Variants in ZNF136 observed in about 807,000 individuals in gnomAD.
The protein encoded by ZNF136 is zinc finger protein 136.
ZNF136 carries 8 observed loss-of-function variants against 11.4 expected under a neutral mutation model. The ratio of observed to expected loss-of-function variants is 0.70; its 90% confidence interval spans 0.41 to 1.27. ZNF136 has a LOEUF of 1.27. Among genes scored for constraint, ZNF136 ranks in the 50% most tolerant of loss-of-function variants. ZNF136 has a pLI of 0.01. For synonymous variants in ZNF136, 190 were observed against 207.1 expected (o/e 0.92, Z 0.71); for missense variants, 590 against 656.5 (o/e 0.90, Z 1.11).
At chr19:12,170,452 A>C (rs1479158200) in intron 1 of ZNF136, among the ~76,000 whole-genome samples, 2 of 151,826 alleles carry the variant, frequency 1.3e-5, no homozygotes, top group South Asian at 4.1e-4. Flanking sequence ...CAGTGGTGCA[A>C]TCACAGCTCA....
At chr19:12,173,500 C>T (rs367842532) in intron 1 of ZNF136, among the ~76,000 whole-genome samples, 1 of 152,130 alleles carries the variant, frequency 6.6e-6, no homozygotes. Flanking sequence ...ATCAAGAACT[C>T]ATCCTCATGC....
intron 1 of ZNF136, among the ~76,000 whole-genome samples, chr19:12,175,438 G>T (rs999275665): frequency 1.3e-4 from 20 of 151,886 alleles, no homozygotes; most frequent in Middle Eastern, 3.4e-3. Context: ...CAGGTGATCT[G>T]CCTGCCTCAG....
chr19:12,171,976 CTCTT>C (rs1274632026), intron 1 of ZNF136, among the ~76,000 whole-genome samples: 6 of 129,572 alleles, frequency 4.6e-5, no homozygotes, highest in African/African-American at 1.8e-4. Context: ...TTCTCTCTCT[CTCTT>C]TTTTTTTTTT....
intron 1 of ZNF136, among the ~76,000 whole-genome samples, chr19:12,170,063 G>A (rs1914609896): frequency 2.0e-5 from 3 of 149,338 alleles, no homozygotes; most frequent in African/African-American, 7.3e-5. Context: ...CAAAGTGCTG[G>A]GATTACAGGC....
chr19:12,176,125 A>C (rs557518691), intron 1 of ZNF136, among the ~76,000 whole-genome samples: 1 of 152,176 alleles, frequency 6.6e-6, no homozygotes. Flanking sequence ...TAACGCTGCT[A>C]TAAACATCTG....
At chr19:12,179,531 G>A (rs1164372217) in intron 1 of ZNF136, among the ~76,000 whole-genome samples, 1 of 152,026 alleles carries the variant, frequency 6.6e-6, no homozygotes, top group Non-Finnish European at 1.5e-5. Context: ...GGGTGGTCTC[G>A]ATCTCCTGAC....
chr19:12,178,991 AAAAGAAAAAAAAG>A (rs1914868270), intron 1 of ZNF136, among the ~76,000 whole-genome samples: 1 of 151,996 alleles, frequency 6.6e-6, no homozygotes, highest in Non-Finnish European at 1.5e-5. Flanking sequence ...TCTGTCTCAC[AAAAGAAAAAAAAG>A]AAAGAAAGAA....
At chr19:12,174,985 T>C (rs1445017563) in intron 1 of ZNF136, among the ~76,000 whole-genome samples, 1 of 150,774 alleles carries the variant, frequency 6.6e-6, no homozygotes, top group African/African-American at 2.4e-5. Context: ...GCCTCCCGAG[T>C]AGCTGGGACT....
rs61729892 is a variant in ZNF136 at position 12,187,902 on chromosome 19, A to G, written c.1524A>G (p.Glu508=). 1,896 of 1,594,772 alleles carry G rather than the reference A, an allele frequency of 1.2e-3. 27 individuals carry two copies. In the African/African-American group the frequency reaches 0.023, roughly 19 times the overall value. ...GACAGAAACCCTATCATTGCAAGGA[A>G]TGTGGGAAAGCCTATTCTTGCCGTG... ...HTGQKPYHCK[E]CGKAYSCRAS... Residue 508 remains glutamate (E), a synonymous_variant, in exon 4 of 4, where the codon GAA becomes GAG. Coordinates refer to ENST00000343979, the MANE Select transcript of ZNF136 (RefSeq NM_003437.5).
At chr19:12,176,515 T>C (rs1914798118) in intron 1 of ZNF136, among the ~76,000 whole-genome samples, 1 of 151,966 alleles carries the variant, frequency 6.6e-6, no homozygotes, top group Non-Finnish European at 1.5e-5. Flanking sequence ...TTAGTAGAGA[T>C]GGGTTTTCAC....
intron 1 of ZNF136, among the ~76,000 whole-genome samples, chr19:12,170,219 C>G (rs956813373): frequency 2.0e-5 from 3 of 152,080 alleles, no homozygotes; most frequent in African/African-American, 7.2e-5. Context: ...TGAGCCACCG[C>G]GCCCGGCCTT....
At chr19:12,181,454 T>C (rs1914939532) in intron 1 of ZNF136, among the ~76,000 whole-genome samples, 1 of 151,982 alleles carries the variant, frequency 6.6e-6, no homozygotes, top group Non-Finnish European at 1.5e-5. Flanking sequence ...TTTTTTTGTT[T>C]TGTTTTGTTT....
At position 12,187,823 on chromosome 19, in the gene ZNF136, G is replaced by GT; in HGVS notation, c.1446dup (p.Lys483Ter). 1 of 1,605,966 alleles carries GT rather than the reference G, an allele frequency of 6.2e-7. No individual in the cohort carries two copies. The highest frequency in any genetic ancestry group is 8.5e-7 in the Non-Finnish European group (1 of 1,177,196). ...AAACCCTTTGAATGTAAGCGATGTGGTAAAGCCTTTAGATCTTCTAGTTCC... is the reference window on the plus strand; with the variant it reads ...AAACCCTTTGAATGTAAGCGATGTGGTTAAAGCCTTTAGATCTTCTAGTTCC... On this transcript the variant is annotated frameshift_variant, in exon 4 of 4. Transcript: ENST00000343979. LOFTEE classifies it low-confidence loss of function (END_TRUNC).
chr19:12,182,350 C>A (rs1317244548), intron 1 of ZNF136, among the ~76,000 whole-genome samples: 2 of 152,224 alleles, frequency 1.3e-5, no homozygotes, highest in Non-Finnish European at 2.9e-5. Context: ...CCTGTCCTCT[C>A]TTTTCCTGGT....
In ZNF136 at chr19:12,189,343, TTTTC is replaced by T. The variant is rs1280485125; in HGVS notation, c.*1349_*1352del. The stretch of plus-strand genomic sequence containing the variant: ...AGCTCCTTTTTTTTCCTTTTTTCTT[TTTTC>T]TTTCTTCTTTTTTCTTTTTGAGACA... On this transcript the variant is annotated 3_prime_UTR_variant, in exon 4 of 4. Transcript: ENST00000343979. 6.6e-6 allele frequency: 1 copy of T among 152,182 alleles called. No individual in the cohort carries two copies. Among genetic ancestry groups the T allele is most frequent in the East Asian group, 1.9e-4 (1 of 5,194 alleles). The allele number at this position is 152,182 out of a possible 1,614,324, so 9.4% of individuals were successfully genotyped here. A position where few individuals can be genotyped will look rare whatever the true frequency, so the allele number is the denominator to read the frequency against.
chr19:12,168,840 T>G (rs1188195620), intron 1 of ZNF136, among the ~76,000 whole-genome samples: 1 of 152,016 alleles, frequency 6.6e-6, no homozygotes, highest in Non-Finnish European at 1.5e-5. Flanking sequence ...CAGGCCCGGC[T>G]AATTTTTTTG....
intron 1 of ZNF136, among the ~76,000 whole-genome samples, chr19:12,180,451 T>C (rs1268764063): frequency 1.3e-5 from 2 of 152,174 alleles, no homozygotes; most frequent in South Asian, 2.1e-4. Context: ...GTGCTTATAT[T>C]TTTGTGAGAA....
At position 12,168,057 on chromosome 19, in the gene ZNF136, C is replaced by CTTTTTTTTTTTTTTTTTTTT. The variant is rs386388563; in HGVS notation, c.3+4862_3+4881dup. Among the ~76,000 whole-genome samples the CTTTTTTTTTTTTTTTTTTTT allele has an allele frequency of 9.8e-4, 70 of 71,148 alleles. 2 individuals carry two copies. Among genetic ancestry groups the CTTTTTTTTTTTTTTTTTTTT allele is most frequent in the Middle Eastern group, 0.018 (1 of 56 alleles). The allele number at this position is 71,148 out of a possible 152,430, so 46.7% of individuals were successfully genotyped here. ...GCCCATTTTTTTTTCTTTTCTTTTTCTTTTTTTTTTTTTTTTTTTTTTTTT... is the reference window on the plus strand; with the variant it reads ...GCCCATTTTTTTTTCTTTTCTTTTTCTTTTTTTTTTTTTTTTTTTTTTTTTTTTTTTTTTTTTTTTTTTTT... On this transcript the variant is annotated intron_variant, in intron 1 of 3. Coordinates refer to ENST00000343979, the MANE Select transcript of ZNF136 (RefSeq NM_003437.5).
chr19:12,176,485 C>A (rs1167481529), intron 1 of ZNF136, among the ~76,000 whole-genome samples: 3 of 152,096 alleles, frequency 2.0e-5, no homozygotes, highest in African/African-American at 4.8e-5. Flanking sequence ...TGCCACCACA[C>A]CCAGCTAATT....
Sources: gnomAD v4.1 joint callset for allele counts (sites outside exome capture counted in the v4.1 genomes callset) on GRCh38, gnomAD v4.1.1 for gene constraint, MANE v1.5 for transcripts, NCBI Gene and HGNC (gene_info 2026-07-23, HGNC 2026-07-21) for gene names.